LANCL2: variants seen among roughly 807,000 people sequenced by gnomAD.
The protein encoded by LANCL2 is LanC like glutathione S-transferase 2.
LANCL2 carries 33 observed loss-of-function variants against 56.9 expected under a neutral mutation model. That is an observed-to-expected ratio of 0.58 (90% CI 0.44 to 0.78). The LOEUF (loss-of-function observed/expected upper bound fraction) is 0.78. Ranked by LOEUF, LANCL2 falls within the 30% of genes least tolerant of loss-of-function variation. The pLI is 0.00. For synonymous variants in LANCL2, 233 were observed against 228.2 expected (o/e 1.02, Z -0.19); for missense variants, 562 against 580.2 (o/e 0.97, Z 0.32).
chr7:55,402,622 C>G (rs1205925689), intron 5 of LANCL2, among the ~76,000 whole-genome samples: 1 of 120,314 alleles, frequency 8.3e-6, no homozygotes, highest in African/African-American at 3.3e-5. Flanking sequence ...ACCTCCCTCC[C>G]GGATGGGGCG....
chr7:55,426,957 G>A (rs75023719), intron 7 of LANCL2, among the ~76,000 whole-genome samples: 186 of 152,288 alleles, frequency 1.2e-3, no homozygotes, highest in African/African-American at 4.3e-3. Flanking sequence ...TAAAGATGAG[G>A]GGTTTTTCAG....
chr7:55,379,827 A>G (rs1276421726), intron 1 of LANCL2: 4 of 152,166 alleles, frequency 2.6e-5, no homozygotes, highest in African/African-American at 7.2e-5. Flanking sequence ...TCCAGAAAGC[A>G]TTGCTAGTAA....
chr7:55,403,420 G>T (rs1295416691), intron 5 of LANCL2, among the ~76,000 whole-genome samples: 1 of 150,380 alleles, frequency 6.6e-6, no homozygotes, highest in Non-Finnish European at 1.5e-5. Context: ...CTCGGCATCA[G>T]GGGGAGACCG....
intron 7 of LANCL2, among the ~76,000 whole-genome samples, chr7:55,427,546 C>T (rs146243254): frequency 2.5e-3 from 384 of 152,264 alleles, no homozygotes; most frequent in Non-Finnish European, 4.4e-3. Flanking sequence ...CAGAATTTAA[C>T]GCATGTTTTT....
chr7:55,387,703 A>G (rs1313141143), intron 1 of LANCL2, among the ~76,000 whole-genome samples: 2 of 152,140 alleles, frequency 1.3e-5, no homozygotes, highest in Non-Finnish European at 2.9e-5. Flanking sequence ...ACTTAATTAC[A>G]TACAAAATTC....
At chr7:55,418,226 G>C (rs1286527766) in intron 6 of LANCL2, among the ~76,000 whole-genome samples, 2 of 150,006 alleles carry the variant, frequency 1.3e-5, no homozygotes. Flanking sequence ...CTGTTACCCA[G>C]GCTGAAGTGC....
chr7:55,416,230 G>GCA (rs1380159134), intron 6 of LANCL2, among the ~76,000 whole-genome samples: 16 of 152,152 alleles, frequency 1.1e-4, no homozygotes, highest in Admixed American at 9.2e-4. Context: ...AATGTTGCAT[G>GCA]TGCTCATGGG....
intron 2 of LANCL2, chr7:55,393,932 C>T (rs1055206412): frequency 5.9e-5 from 9 of 152,218 alleles, no homozygotes; most frequent in Non-Finnish European, 1.3e-4. Context: ...AGCTATTAGT[C>T]TCAACGGGTT....
chr7:55,423,990 C>G (rs1223898233), intron 6 of LANCL2, among the ~76,000 whole-genome samples: 1 of 152,204 alleles, frequency 6.6e-6, no homozygotes, highest in East Asian at 1.9e-4. Context: ...CCCTGCCCCC[C>G]AACCTCCGCC....
At chr7:55,420,700 A>C (rs1258852918) in intron 6 of LANCL2, among the ~76,000 whole-genome samples, 1 of 152,254 alleles carries the variant, frequency 6.6e-6, no homozygotes, top group African/African-American at 2.4e-5. Context: ...AAGCAGCCAC[A>C]GCCAGTGTGT....
intron 3 of LANCL2, 119 bp from the exon 4 acceptor site, chr7:55,399,838 A>G (rs939454842): frequency 2.0e-5 from 16 of 793,238 alleles, no homozygotes; most frequent in African/African-American, 1.9e-4. Context: ...TATTTTTAAA[A>G]ATAATTGTTT....
At chr7:55,412,303 T>C (rs556964356) in intron 6 of LANCL2, among the ~76,000 whole-genome samples, 5 of 152,370 alleles carry the variant, frequency 3.3e-5, no homozygotes, top group Admixed American at 2.0e-4. Flanking sequence ...ATTGTGTGTG[T>C]TAACAGGGTT....
At chr7:55,375,931 ACT>A (rs1383194753) in intron 1 of LANCL2, among the ~76,000 whole-genome samples, 1 of 151,790 alleles carries the variant, frequency 6.6e-6, no homozygotes, top group African/African-American at 2.4e-5. Context: ...AGATCAAGTC[ACT>A]CTCACACTTC....
chr7:55,396,412 G>A lies in LANCL2; in HGVS notation c.323-2011G>A, dbSNP rs78770908. Reference sequence around the variant, plus strand: ...CCTGCAAAGGGTTTATCGCAGCCCCGCCTACCCGGAGCAAGGGAGATGCCT... The same window carrying A: ...CCTGCAAAGGGTTTATCGCAGCCCCACCTACCCGGAGCAAGGGAGATGCCT... On this transcript the variant is annotated intron_variant, in intron 2 of 8. Coordinates refer to ENST00000254770, the MANE Select transcript of LANCL2 (RefSeq NM_018697.4). 4.3e-3 allele frequency among the ~76,000 whole-genome samples: 659 copies of A among 152,320 alleles called. 9 individuals are homozygous for A. Among genetic ancestry groups the A allele is most frequent in the African/African-American group, 0.015 (638 of 41,562 alleles).
intron 5 of LANCL2, 101 bp downstream of exon 5, chr7:55,401,421 A>C: frequency 1.0e-6 from 1 of 960,284 alleles, no homozygotes; most frequent in East Asian, 2.8e-5. Context: ...GAAATACCCT[A>C]CTTTGAATCG....
Position 55,379,465 on chromosome 7 carries a change from C to G in LANCL2, c.205-12328C>G, listed in dbSNP as rs74435124. ...ACGGGGCCTGGAAAATCAAGTGTCT[C>G]TTCTGGGGCTGGATGCCCTACTATT... On this transcript the variant is annotated intron_variant, in intron 1 of 8. Transcript: ENST00000254770. Among the ~76,000 whole-genome samples, 619 of 152,320 alleles carry G rather than the reference C, an allele frequency of 4.1e-3. 3 individuals are homozygous for G. The highest frequency in any genetic ancestry group is 0.014 in the African/African-American group (565 of 41,568).
At chr7:55,430,674 T>A (rs1790717705) in intron 8 of LANCL2, among the ~76,000 whole-genome samples, 1 of 152,220 alleles carries the variant, frequency 6.6e-6, no homozygotes. Flanking sequence ...AGGATTGTTC[T>A]GATTTGAGTG....
Position 55,365,932 on chromosome 7 carries a change from C to A in LANCL2, c.-94C>A. On this transcript the variant is annotated 5_prime_UTR_variant, in exon 1 of 9. Coordinates refer to ENST00000254770, the MANE Select transcript of LANCL2 (RefSeq NM_018697.4). ...GGCCTCGCTCCTCCTAGAGGACGCT[C>A]TCTGCGCGGGCCCTCGGAGGAGGCG... 1.9e-6 allele frequency: 2 copies of A among 1,037,496 alleles called. No homozygotes were observed. The highest frequency in any genetic ancestry group is 1.9e-5 in the South Asian group (1 of 52,762). The allele number at this position is 1,037,496 out of a possible 1,614,324, so 64.3% of individuals were successfully genotyped here.
chr7:55,383,459 A>G (rs1790090786), intron 1 of LANCL2, among the ~76,000 whole-genome samples: 1 of 152,128 alleles, frequency 6.6e-6, no homozygotes, highest in Non-Finnish European at 1.5e-5. Flanking sequence ...TAGCCTTTTA[A>G]TATGCAAATG....
Sources: allele counts gnomAD v4.1 joint callset (sites outside exome capture counted in the v4.1 genomes callset), GRCh38; gene constraint gnomAD v4.1.1; transcripts MANE v1.5; gene names NCBI Gene and HGNC (gene_info 2026-07-23, HGNC 2026-07-21).